The following TIRAP variants were observed in gnomAD, a reference collection of about 807,000 sequenced individuals.
TIRAP encodes toll/interleukin-1 receptor domain-containing adapter protein.
In TIRAP, 20 loss-of-function variants were observed where a neutral mutation model predicts 19.8. The observed-to-expected ratio is 1.01, with a 90% CI of 0.71 to 1.47. The LOEUF is 1.47. Among genes scored for constraint, TIRAP ranks in the 40% most tolerant of loss-of-function variants. The pLI is 0.00. For missense variants in TIRAP, 276 were observed against 285.1 expected, an observed-to-expected ratio of 0.97 and a Z score of 0.23; for synonymous variants, 125 against 121.7, an observed-to-expected ratio of 1.03 and a Z score of -0.18.
In TIRAP at chr11:126,291,356, A is replaced by G. The variant is rs1951382722; in HGVS notation, c.67+395A>G. The G allele has an allele frequency of 1.1e-6, 1 of 939,956 alleles. No homozygotes were observed. Among genetic ancestry groups the G allele is most frequent in the Non-Finnish European group, 1.5e-6 (1 of 664,588 alleles). The allele number at this position is 939,956 out of a possible 1,614,324, so 58.2% of individuals were successfully genotyped here. A position where few individuals can be genotyped will look rare whatever the true frequency, so the allele number is the denominator to read the frequency against. On this transcript the variant is annotated intron_variant, in intron 3 of 4. Transcript: ENST00000392679. The surrounding 1 kb of genome is among the most constrained non-coding windows in gnomAD (Gnocchi z 5.6). ...ATCTGTCCTTATCAAAGGCTGGGGA[A>G]GCTGTTTTCATCTCCTTATGGAGTC...
intron 4 of TIRAP, 167 bp from the exon 5 acceptor site, chr11:126,293,501 T>C: frequency 1.1e-6 from 1 of 876,310 alleles, no homozygotes; most frequent in Non-Finnish European, 1.9e-6. Context: ...GGCAAAATGA[T>C]GCAAAATAAT....
rs1238983274 is a variant in TIRAP at position 126,291,102 on chromosome 11, G to A, written c.67+141G>A. 2.4e-5 allele frequency: 25 copies of A among 1,037,766 alleles called. No homozygotes were observed. Among genetic ancestry groups the A allele is most frequent in the Non-Finnish European group, 3.0e-5 (22 of 725,736 alleles). 64.3% of individuals were successfully genotyped at this position (1,037,766 alleles called of 1,614,324 possible). A position where few individuals can be genotyped will look rare whatever the true frequency, so the allele number is the denominator to read the frequency against. Reference sequence around the variant, plus strand: ...GTGGGGAACTCCTGACCTGAATTCAGGGCCTGGATGCTTTGTGGAGAGTGA... The same window carrying A: ...GTGGGGAACTCCTGACCTGAATTCAAGGCCTGGATGCTTTGTGGAGAGTGA... On this transcript the variant is annotated intron_variant, in intron 3 of 4. Transcript: ENST00000392679. This position sits in a 1 kb window ranked among gnomAD's most constrained non-coding sequence, Gnocchi z 5.6.
rs1591372377 is a variant in TIRAP, at chr11:126,287,835, C to T, written c.-216-2627C>T. ...GTGGTGCAATCTCGGCTCACTGCAA[C>T]CTCTGCCTCCCAGGTTCAAGGGATT... On this transcript the variant is annotated intron_variant, in intron 1 of 4. Transcript: ENST00000392679. This position sits in a 1 kb window ranked among gnomAD's most constrained non-coding sequence, Gnocchi z 4.2. 6.6e-6 allele frequency among the ~76,000 whole-genome samples: 1 copy of T among 152,216 alleles called. No homozygotes were observed. Among genetic ancestry groups the T allele is most frequent in the South Asian group, 2.1e-4 (1 of 4,832 alleles).
intron 1 of TIRAP, among the ~76,000 whole-genome samples, chr11:126,289,288 T>C (rs1241598137): frequency 1.3e-5 from 2 of 152,242 alleles, no homozygotes; most frequent in African/African-American, 4.8e-5. Flanking sequence ...TCTTTAATTT[T>C]TTTTATTGAG....
chr11:126,283,335 C>T (rs948835166), intron 1 of TIRAP, among the ~76,000 whole-genome samples, 182 bp downstream of exon 1: 1 of 152,144 alleles, frequency 6.6e-6, no homozygotes, highest in African/African-American at 2.4e-5. Context: ...CTTCACCTTT[C>T]TGGCACCCGC....
chr11:126,285,338 T>C (rs937075675), intron 1 of TIRAP, among the ~76,000 whole-genome samples: 3 of 151,486 alleles, frequency 2.0e-5, no homozygotes, highest in African/African-American at 7.3e-5. Context: ...CTCAGCTCAC[T>C]GCAACCTCCG....
In TIRAP at chr11:126,293,687, A is replaced by G. The variant is rs17853052; in HGVS notation, c.666A>G (p.Ter222TrpextTer35). 6.2e-7 allele frequency: 1 copy of G among 1,614,154 alleles called. No individual in the cohort carries two copies. The highest frequency in any genetic ancestry group is 2.2e-5 in the East Asian group (1 of 44,882). Reference protein sequence around the residue: ...AVMRYLQTLS* With the variant: ...AVMRYLQTLSW ...TTTCAGATCTGCAGACACTCAGTTG[A>G]CACTTGTTATATCATGGGACCCCGG... Residue 222 changes from the stop codon to tryptophan (W), a stop_lost, in exon 5 of 5, where the codon TGA (stop) becomes TGG (tryptophan). Transcript: ENST00000392679.
In TIRAP at chr11:126,292,668, G is replaced by C. The variant is rs1951412652; in HGVS notation, c.259G>C (p.Asp87His). The change falls in exon 4 of 5, where the codon GAC becomes CAC. Residue 87 changes from aspartate (D) to histidine (H), a missense_variant. Asp to His is a moderately conservative substitution (Grantham distance 81). Coordinates refer to ENST00000392679, the MANE Select transcript of TIRAP (RefSeq NM_001318777.2). Reference protein sequence around the residue: ...SGSSRWSKDYDVCVCHSEEDL... With the variant: ...SGSSRWSKDYHVCVCHSEEDL... ...CAGTAGTCGCTGGAGCAAAGACTAT[G>C]ACGTCTGCGTGTGCCACAGTGAGGA... 6.2e-7 allele frequency: 1 copy of C among 1,614,084 alleles called. No individual in the cohort carries two copies. Among genetic ancestry groups the C allele is most frequent in the East Asian group, 2.2e-5 (1 of 44,874 alleles).
At position 126,288,549 on chromosome 11, in the gene TIRAP, A is replaced by G. The variant is rs1249314008; in HGVS notation, c.-216-1913A>G. 1 of 152,212 alleles carries G rather than the reference A, an allele frequency of 6.6e-6. No individual in the cohort carries two copies. The highest frequency in any genetic ancestry group is 1.5e-5 in the Non-Finnish European group (1 of 68,034). 9.4% of individuals were successfully genotyped at this position (152,212 alleles called of 1,614,324 possible). A position where few individuals can be genotyped will look rare whatever the true frequency, so the allele number is the denominator to read the frequency against. ...GTATGGTTACTGGAATTTACCTGCC[A>G]TCTTGCTCAATTATCCTGTCAAAGG... On this transcript the variant is annotated intron_variant, in intron 1 of 4. Transcript: ENST00000392679. This position sits in a 1 kb window ranked among gnomAD's most constrained non-coding sequence, Gnocchi z 5.0.
rs1026900611 is a variant in TIRAP at position 126,287,102 on chromosome 11, G to A, written c.-216-3360G>A. 2.0e-5 allele frequency among the ~76,000 whole-genome samples: 3 copies of A among 152,088 alleles called. No individual in the cohort carries two copies. Among genetic ancestry groups the A allele is most frequent in the South Asian group, 2.1e-4 (1 of 4,824 alleles). On this transcript the variant is annotated intron_variant, in intron 1 of 4. Coordinates refer to ENST00000392679, the MANE Select transcript of TIRAP (RefSeq NM_001318777.2). This position sits in a 1 kb window ranked among gnomAD's most constrained non-coding sequence, Gnocchi z 4.2. ...CAGCTGCCGAATCCCCTTTTGCCAC[G>A]GAAGGTAACATATTCTCAGTTCCGG...
intron 3 of TIRAP, 22 bp from the exon 4 acceptor site, chr11:126,292,455 G>A: frequency 6.2e-7 from 1 of 1,612,104 alleles, no homozygotes. Flanking sequence ...ACACAGGCCT[G>A]AGCAGTGTTT....
rs765775900 is a variant in TIRAP, at chr11:126,292,652, C to T, written c.243C>T (p.Arg81=). The change falls in exon 4 of 5, where the codon CGC becomes CGT. Residue 81 remains arginine, a synonymous_variant. Transcript: ENST00000392679. ...ATGCGAGTGACAGTGGCAGTAGTCGCTGGAGCAAAGACTATGACGTCTGCG... is the reference window on the plus strand; with the variant it reads ...ATGCGAGTGACAGTGGCAGTAGTCGTTGGAGCAAAGACTATGACGTCTGCG... The part of the protein sequence containing the change: ...PTHASDSGSS[R]WSKDYDVCVC... The T allele has an allele frequency of 1.4e-5, 23 of 1,614,174 alleles. No individual in the cohort carries two copies. The highest frequency in any genetic ancestry group is 1.8e-5 in the Non-Finnish European group (21 of 1,180,018).
chr11:126,292,101 CA>C (rs946719731), intron 3 of TIRAP, among the ~76,000 whole-genome samples: 1 of 151,820 alleles, frequency 6.6e-6, no homozygotes, highest in African/African-American at 2.4e-5. Context: ...GTCAGAAGTT[CA>C]AGACCAGCCT....
chr11:126,283,195 G>T, intron 1 of TIRAP, 42 bp downstream of exon 1: 2 of 956,874 alleles, frequency 2.1e-6, no homozygotes, highest in Non-Finnish European at 1.2e-6. Context: ...GAGGCGCGGC[G>T]GGGCTCCGTG....
rs1156439187 is a variant in TIRAP at position 126,293,810 on chromosome 11, G to C, written c.*123G>C. On this transcript the variant is annotated 3_prime_UTR_variant, in exon 5 of 5. Transcript: ENST00000392679. ...GGGAGTGAGTCACAGCGCTTTGCTCGTGACCCTGGGATCAGAGCACCCATC... is the reference window on the plus strand; with the variant it reads ...GGGAGTGAGTCACAGCGCTTTGCTCCTGACCCTGGGATCAGAGCACCCATC... 9.2e-7 allele frequency: 1 copy of C among 1,085,434 alleles called. No individual in the cohort carries two copies. Among genetic ancestry groups the C allele is most frequent in the Non-Finnish European group, 1.4e-6 (1 of 709,336 alleles). 67.2% of individuals were successfully genotyped at this position (1,085,434 alleles called of 1,614,324 possible). A position where few individuals can be genotyped will look rare whatever the true frequency, so the allele number is the denominator to read the frequency against.
intron 4 of TIRAP, 156 bp downstream of exon 4, chr11:126,293,211 C>A: frequency 7.1e-7 from 1 of 1,405,600 alleles, no homozygotes; most frequent in Non-Finnish European, 9.7e-7. Context: ...ACTTATTAAC[C>A]CATAAAAAGT....
intron 3 of TIRAP, 90 bp from the exon 4 acceptor site, chr11:126,292,387 G>C: frequency 1.4e-6 from 2 of 1,419,352 alleles, no homozygotes; most frequent in Non-Finnish European, 1.9e-6. Flanking sequence ...CAGTCTGTCT[G>C]TCCTCCCTGT....
In TIRAP at chr11:126,292,500, A is replaced by T; in HGVS notation, c.91A>T (p.Lys31Ter). Residue 31 changes from lysine to a stop codon, truncating the protein, a stop_gained, in exon 4 of 5, where the codon AAG (lysine) becomes TAG (stop). Transcript: ENST00000392679. LOFTEE classifies it high-confidence loss of function. Reference protein sequence around the residue: ...MADWFRQTLLKKPKKRPNSPE... With the variant: ...MADWFRQTLL ...AGACTGGTTCAGGCAGACCCTGCTGAAGAAGCCCAAGAAGAGGCCCAACTC... is the reference window on the plus strand; with the variant it reads ...AGACTGGTTCAGGCAGACCCTGCTGTAGAAGCCCAAGAAGAGGCCCAACTC... 6.2e-7 allele frequency: 1 copy of T among 1,613,910 alleles called. No individual in the cohort carries two copies. The highest frequency in any genetic ancestry group is 8.5e-7 in the Non-Finnish European group (1 of 1,179,948).
At position 126,287,047 on chromosome 11, in the gene TIRAP, A is replaced by C. The variant is rs774118535; in HGVS notation, c.-216-3415A>C. Among the ~76,000 whole-genome samples the C allele has an allele frequency of 6.6e-6, 1 of 152,148 alleles. No individual in the cohort carries two copies. The highest frequency in any genetic ancestry group is 1.5e-5 in the Non-Finnish European group (1 of 68,020). ...ATTAAACTCACCTGGGTAATCCAGG[A>C]ATCCCTCCCCATCACAAGGTTCTTA... On this transcript the variant is annotated intron_variant, in intron 1 of 4. Transcript: ENST00000392679. The surrounding 1 kb of genome is among the most constrained non-coding windows in gnomAD (Gnocchi z 4.2).
Sources: gnomAD v4.1 joint callset for allele counts (sites outside exome capture counted in the v4.1 genomes callset) on GRCh38, gnomAD v4.1.1 for gene constraint, Gnocchi (gnomAD v3.1) non-coding constraint, MANE v1.5 for transcripts, NCBI Gene and HGNC (gene_info 2026-07-23, HGNC 2026-07-21) for gene names.